RIMS2: variants seen among roughly 807,000 people sequenced by gnomAD.
RIMS2 encodes regulating synaptic membrane exocytosis protein 2.
Under a neutral mutation model 174.4 loss-of-function variants are expected in RIMS2, and 59 were observed. The observed-to-expected ratio is 0.34, with a 90% CI of 0.27 to 0.42. The LOEUF is 0.42. Among genes scored for constraint, RIMS2 ranks in the 10% least tolerant of loss-of-function variants. The pLI is 1.00. For synonymous variants in RIMS2, 606 were observed against 572.5 expected (o/e 1.06, Z -0.84); for missense variants, 1,620 against 1,666.3 (o/e 0.97, Z 0.48).
chr8:104,062,661 T>C (rs1445248316), intron 19 of RIMS2, among the ~76,000 whole-genome samples: 1 of 152,202 alleles, frequency 6.6e-6, no homozygotes, highest in African/African-American at 2.4e-5. Flanking sequence ...AATAGCTGTA[T>C]ACACTGATGA....
intron 16 of RIMS2, among the ~76,000 whole-genome samples, chr8:103,983,048 T>C (rs1186314559): frequency 6.6e-6 from 1 of 152,114 alleles, no homozygotes; most frequent in Non-Finnish European, 1.5e-5. Flanking sequence ...TTCAGTAAAG[T>C]TTCAGGATAC....
At chr8:103,677,976 A>G (rs570111789) in intron 1 of RIMS2, among the ~76,000 whole-genome samples, 4 of 152,326 alleles carry the variant, frequency 2.6e-5, no homozygotes, top group African/African-American at 7.2e-5. Flanking sequence ...TTACAAGAGT[A>G]GGTTACAGTC....
intron 17 of RIMS2, among the ~76,000 whole-genome samples, chr8:104,001,523 C>T (rs896593884): frequency 6.6e-6 from 1 of 151,996 alleles, no homozygotes; most frequent in Non-Finnish European, 1.5e-5. Flanking sequence ...TCTTATATTT[C>T]CCTGCACTCT....
intron 3 of RIMS2, among the ~76,000 whole-genome samples, chr8:103,859,198 A>C (rs1351291762): frequency 1.3e-5 from 2 of 152,172 alleles, no homozygotes; most frequent in African/African-American, 2.4e-5. Flanking sequence ...AGTTTTCTAA[A>C]AGGAAAGAAA....
At chr8:104,030,363 C>G (rs760094923) in intron 19 of RIMS2, among the ~76,000 whole-genome samples, 3 of 151,952 alleles carry the variant, frequency 2.0e-5, no homozygotes, top group Non-Finnish European at 4.4e-5. Context: ...TAATTAATAA[C>G]TAATTGACTT....
intron 1 of RIMS2, among the ~76,000 whole-genome samples, chr8:103,533,843 A>C (rs931940362): frequency 2.0e-5 from 3 of 152,172 alleles, no homozygotes; most frequent in South Asian, 4.1e-4. Flanking sequence ...TATTTGAATC[A>C]TCATGTGTTA....
intron 19 of RIMS2, 145 bp from the exon 24 acceptor site, chr8:104,093,326 C>T: frequency 1.9e-6 from 1 of 534,416 alleles, no homozygotes. Context: ...GGATAATTGC[C>T]ATTCACTTTT....
intron 17 of RIMS2, among the ~76,000 whole-genome samples, chr8:103,997,757 A>G (rs1310842561): frequency 6.6e-6 from 1 of 151,746 alleles, no homozygotes; most frequent in African/African-American, 2.4e-5. Context: ...TTAATTATTA[A>G]TAATTAAAAG....
intron 19 of RIMS2, among the ~76,000 whole-genome samples, chr8:104,203,494 C>CTTTTTTTT (rs10545100): frequency 4.1e-5 from 3 of 72,776 alleles, no homozygotes; most frequent in East Asian, 4.8e-4. Flanking sequence ...AGACACTGTA[C>CTTTTTTTT]TTTTTTTTTT....
At chr8:103,910,357 A>G in intron 5 of RIMS2, 1 of 1,598,456 alleles carries the variant, frequency 6.3e-7, no homozygotes, top group Non-Finnish European at 8.5e-7. Flanking sequence ...ACTAGTGAGC[A>G]GGCAGTTTTG....
intron 1 of RIMS2, among the ~76,000 whole-genome samples, chr8:103,587,397 A>G (rs1037184439): frequency 1.3e-5 from 2 of 148,592 alleles, no homozygotes; most frequent in Non-Finnish European, 3.0e-5. Context: ...AAGACACATC[A>G]GGAAGAAAAA....
intron 19 of RIMS2, among the ~76,000 whole-genome samples, chr8:104,241,352 A>T (rs1248365898): frequency 6.6e-6 from 1 of 152,192 alleles, no homozygotes; most frequent in African/African-American, 2.4e-5. Context: ...TGGGATTTTT[A>T]GCATTGTTAT....
chr8:103,633,051 G>T (rs556996331), intron 1 of RIMS2, among the ~76,000 whole-genome samples: 1 of 146,280 alleles, frequency 6.8e-6, no homozygotes, highest in South Asian at 2.1e-4. Flanking sequence ...TTTTGAGATG[G>T]AGTCTTGCTG....
intron 2 of RIMS2, among the ~76,000 whole-genome samples, chr8:103,750,957 G>C (rs903434211): frequency 6.6e-6 from 1 of 152,100 alleles, no homozygotes; most frequent in African/African-American, 2.4e-5. Flanking sequence ...CATGGGGGCA[G>C]GTCTTTCTCG....
At chr8:103,523,556 A>G (rs1257009185) in intron 1 of RIMS2, among the ~76,000 whole-genome samples, 1 of 152,142 alleles carries the variant, frequency 6.6e-6, no homozygotes, top group African/African-American at 2.4e-5. Context: ...ATGGCAAGGA[A>G]TTTGGCTTTA....
At chr8:104,067,726 TC>T (rs2097129698) in intron 19 of RIMS2, among the ~76,000 whole-genome samples, 1 of 152,196 alleles carries the variant, frequency 6.6e-6, no homozygotes, top group African/African-American at 2.4e-5. Flanking sequence ...TTTCATGTTT[TC>T]TAGGATTTGC....
At chr8:103,909,973 CATATATATAGCACTCACTATATATAT>C (rs1554965777) in intron 4 of RIMS2, among the ~76,000 whole-genome samples, 1 of 148,520 alleles carries the variant, frequency 6.7e-6, no homozygotes, top group Non-Finnish European at 1.5e-5. Flanking sequence ...TTTCTTTTGG[CATATATATAGCACTCACTATATATAT>C]ATATATATAG....
chr8:103,619,436 A>T (rs1457450404), intron 1 of RIMS2, among the ~76,000 whole-genome samples: 4 of 152,104 alleles, frequency 2.6e-5, no homozygotes, highest in Non-Finnish European at 5.9e-5. Flanking sequence ...AGAAGTAAAG[A>T]TATATAAATA....
chr8:103,932,041 A>G (rs1191679391), intron 12 of RIMS2, among the ~76,000 whole-genome samples: 2 of 152,064 alleles, frequency 1.3e-5, no homozygotes, highest in African/African-American at 2.4e-5. Context: ...AACAAATCTA[A>G]TCACTCTGAA....
Sources: allele counts gnomAD v4.1 joint callset (sites outside exome capture counted in the v4.1 genomes callset), GRCh38; gene constraint gnomAD v4.1.1; transcripts MANE v1.5; gene names NCBI Gene and HGNC (gene_info 2026-07-23, HGNC 2026-07-21).